TRIM2: variants seen among roughly 807,000 people sequenced by gnomAD.
TRIM2 encodes tripartite motif containing 2, also known as tripartite motif-containing protein 2.
Under a neutral mutation model 75.2 loss-of-function variants are expected in TRIM2, and 20 were observed. The ratio of observed to expected loss-of-function variants is 0.27; its 90% CI spans 0.19 to 0.39. TRIM2 has a LOEUF of 0.39. Ranked by LOEUF, TRIM2 falls within the 10% of genes least tolerant of loss-of-function variation. The pLI is 1.00. For missense variants in TRIM2, 660 were observed against 990.8 expected, an observed-to-expected ratio of 0.67 and a Z score of 4.48; for synonymous variants, 373 against 388.3, an observed-to-expected ratio of 0.96 and a Z score of 0.46.
chr4:153,186,093 C>T (rs923783494), intron 1 of TRIM2, among the ~76,000 whole-genome samples: 2 of 152,078 alleles, frequency 1.3e-5, no homozygotes, highest in African/African-American at 4.8e-5. Flanking sequence ...GGGTAGAGGC[C>T]AGGGAGGCTG....
chr4:153,226,712 C>A (rs1040589043), intron 1 of TRIM2, among the ~76,000 whole-genome samples: 1 of 152,172 alleles, frequency 6.6e-6, no homozygotes, highest in Admixed American at 6.6e-5. Flanking sequence ...TCATTGCTGA[C>A]CTTCGGGGAT....
In TRIM2 at chr4:153,322,773, C is replaced by T; in HGVS notation, c.1908C>T (p.Val636=). The change falls in exon 9 of 12, where the codon GTC becomes GTT. Residue 636 remains valine (V), a synonymous_variant. Transcript: ENST00000338700. ...VFIFQPNGKI[V]TRFGSRGNGD... ...TCTTCCAGCCAAACGGGAAAATAGT[C>T]ACCAGGTTTGGTAGCCGAGGAAATG... 3.7e-6 allele frequency: 6 copies of T among 1,614,216 alleles called. No individual in the cohort carries two copies. Among genetic ancestry groups the T allele is most frequent in the Non-Finnish European group, 5.1e-6 (6 of 1,180,042 alleles).
intron 6 of TRIM2, among the ~76,000 whole-genome samples, chr4:153,315,154 C>A (rs1182550387): frequency 6.6e-6 from 1 of 152,174 alleles, no homozygotes; most frequent in African/African-American, 2.4e-5. Flanking sequence ...AGTGGGAAAG[C>A]CATGTCAGAT....
intron 1 of TRIM2, among the ~76,000 whole-genome samples, chr4:153,187,750 C>T (rs940153675): frequency 2.0e-5 from 3 of 152,072 alleles, no homozygotes; most frequent in South Asian, 2.1e-4. Flanking sequence ...CTGGATGATC[C>T]GGCACTGAGG....
At chr4:153,191,539 G>A (rs4449395) in intron 1 of TRIM2, among the ~76,000 whole-genome samples, 24,976 of 152,172 alleles carry the variant, frequency 0.16, 2,342 homozygotes, top group East Asian at 0.24. Flanking sequence ...TAACTGAGTT[G>A]TATGGGGATT....
At chr4:153,221,554 G>A (rs931813797) in intron 1 of TRIM2, among the ~76,000 whole-genome samples, 1 of 152,160 alleles carries the variant, frequency 6.6e-6, no homozygotes, top group African/African-American at 2.4e-5. Flanking sequence ...TTTTGAAATT[G>A]TAGGTCGTCC....
chr4:153,161,096 T>G (rs183446413), intron 1 of TRIM2, among the ~76,000 whole-genome samples: 27 of 152,370 alleles, frequency 1.8e-4, no homozygotes, highest in African/African-American at 5.8e-4. Flanking sequence ...GACACCCATT[T>G]ACTGCTCATT....
chr4:153,256,925 G>GT lies in TRIM2; in HGVS notation c.31-13404dup, dbSNP rs1752204119. Among the ~76,000 whole-genome samples the GT allele has an allele frequency of 2.0e-5, 3 of 152,150 alleles. No homozygotes were observed. In the South Asian group the frequency reaches 6.2e-4, roughly 32 times the overall value. On this transcript the variant is annotated intron_variant, in intron 1 of 11. Transcript: ENST00000338700. Reference sequence around the variant, plus strand: ...AACTGGACTGTTTGTTTGTTTGTTTGTTTTTTGCATTTAAAAAAATTATGA... The same window carrying GT: ...AACTGGACTGTTTGTTTGTTTGTTTGTTTTTTTGCATTTAAAAAAATTATGA...
intron 3 of TRIM2, among the ~76,000 whole-genome samples, chr4:153,286,599 A>G (rs1033960388): frequency 1.3e-5 from 2 of 152,160 alleles, no homozygotes; most frequent in African/African-American, 2.4e-5. Flanking sequence ...AAGTTATTCA[A>G]TGTGTTAGCA....
chr4:153,155,900 G>A (rs1729187194), intron 1 of TRIM2, among the ~76,000 whole-genome samples: 1 of 152,222 alleles, frequency 6.6e-6, no homozygotes, highest in African/African-American at 2.4e-5. Flanking sequence ...CAGGCAGGGA[G>A]CATAGATATC....
At chr4:153,197,401 A>C (rs1032981852) in intron 1 of TRIM2, among the ~76,000 whole-genome samples, 6 of 152,178 alleles carry the variant, frequency 3.9e-5, no homozygotes, top group Non-Finnish European at 8.8e-5. Flanking sequence ...ACTGAAGGCT[A>C]AGTGTCTAGC....
upstream of TRIM2, among the ~76,000 whole-genome samples, chr4:153,201,091 G>A (rs532117630): frequency 1.1e-4 from 16 of 152,148 alleles, 1 homozygote; most frequent in South Asian, 3.1e-3. Flanking sequence ...AACCTACCGA[G>A]TAGCTGGGAT....
intron 1 of TRIM2, among the ~76,000 whole-genome samples, chr4:153,252,636 A>G (rs905599951): frequency 1.3e-5 from 2 of 152,078 alleles, no homozygotes; most frequent in African/African-American, 4.8e-5. Context: ...CAGCCTCCTG[A>G]GTAGCTGGGA....
At chr4:153,219,523 G>A (rs1739389064) in intron 1 of TRIM2, among the ~76,000 whole-genome samples, 1 of 152,006 alleles carries the variant, frequency 6.6e-6, no homozygotes. Flanking sequence ...TTCCACATGT[G>A]GCCATTGAGA....
chr4:153,236,326 C>T (rs1391469274), intron 1 of TRIM2, among the ~76,000 whole-genome samples: 1 of 152,120 alleles, frequency 6.6e-6, no homozygotes, highest in African/African-American at 2.4e-5. Flanking sequence ...TTCTACTTAT[C>T]CTCACCTTGT....
chr4:153,272,804 TG>T (rs1190956529), intron 2 of TRIM2, among the ~76,000 whole-genome samples: 1 of 151,950 alleles, frequency 6.6e-6, no homozygotes, highest in African/African-American at 2.4e-5. Flanking sequence ...TTGAAGGTGC[TG>T]GCAACTTTCC....
chr4:153,212,698 C>T (rs1173869723), intron 1 of TRIM2, among the ~76,000 whole-genome samples: 1 of 152,130 alleles, frequency 6.6e-6, no homozygotes, highest in South Asian at 2.1e-4. Flanking sequence ...GAGGTGGATG[C>T]AGACTGGAGA....
chr4:153,254,652 A>G (rs926535854), intron 1 of TRIM2, among the ~76,000 whole-genome samples: 2 of 152,216 alleles, frequency 1.3e-5, no homozygotes, highest in African/African-American at 4.8e-5. Flanking sequence ...TCCCACGGTT[A>G]CCCAAGCCCC....
At chr4:153,274,473 G>A (rs1424414390) in intron 2 of TRIM2, among the ~76,000 whole-genome samples, 3 of 152,174 alleles carry the variant, frequency 2.0e-5, no homozygotes, top group Admixed American at 2.0e-4. Context: ...GTTTGGTTTT[G>A]TTCATGTTGA....
Sources: allele counts gnomAD v4.1 joint callset (sites outside exome capture counted in the v4.1 genomes callset), GRCh38; gene constraint gnomAD v4.1.1; transcripts MANE v1.5; gene names NCBI Gene and HGNC (gene_info 2026-07-23, HGNC 2026-07-21).